Variants in ERI2 observed in about 807,000 individuals in gnomAD.
The protein encoded by ERI2 is ERI1 exoribonuclease 2.
In ERI2, 35 loss-of-function variants were observed where a neutral mutation model predicts 46.8. That is an observed-to-expected ratio of 0.75 (90% CI 0.57 to 0.99). The LOEUF (loss-of-function observed/expected upper bound fraction) is 0.99, where lower values mean the gene tolerates loss of function less well. Ranked by LOEUF, ERI2 falls within the 50% of genes least tolerant of loss-of-function variation. The pLI is 0.00. For missense variants in ERI2, 695 were observed against 796.2 expected, an observed-to-expected ratio of 0.87 and a Z score of 1.53; for synonymous variants, 224 against 271.0, an observed-to-expected ratio of 0.83 and a Z score of 1.70.
rs779345054 is a variant in ERI2, at chr16:20,796,368, A to C, written c.*1356T>G. 21 of 1,605,360 alleles carry C rather than the reference A, an allele frequency of 1.3e-5. No homozygotes were observed. In the South Asian group the frequency reaches 2.3e-4, roughly 18 times the overall value. ...TCCTGGTGTTTCAAATATTTATTTT[A>C]GGTAGTAAAGGCTTTTGTCGTTCTA... On this transcript the variant is annotated 3_prime_UTR_variant, in exon 9 of 9. Coordinates refer to ENST00000357967, the MANE Select transcript of ERI2 (RefSeq NM_001142725.2).
chr16:20,787,253 G>A (rs1423566596), intron 10 of ERI2, among the ~76,000 whole-genome samples: 2 of 152,190 alleles, frequency 1.3e-5, no homozygotes, highest in African/African-American at 2.4e-5. Flanking sequence ...TGGGAGCTGT[G>A]ACTTACTGTT....
At chr16:20,793,330 A>G (rs867384378), downstream of ERI2, among the ~76,000 whole-genome samples, 6 of 152,210 alleles carry the variant, frequency 3.9e-5, no homozygotes, top group Middle Eastern at 3.4e-3. Context: ...TTAGCCAGGC[A>G]TGGTGGCACA....
At chr16:20,786,192 A>C (rs1468166195) in intron 10 of ERI2, 1 of 1,606,610 alleles carries the variant, frequency 6.2e-7, no homozygotes, top group Non-Finnish European at 8.5e-7. Context: ...AATGTTTAAC[A>C]ACCCAATCTG....
rs565994827 is a variant in ERI2 at position 20,786,387 on chromosome 16, G to A, written c.894+3092C>T. ...ATACAGTTCTAAGCATTTAATAAAC[G>A]TTAACCCATTAGGCTGGATGCAGTG... is the stretch of plus-strand genomic sequence containing the variant. On this transcript the variant is annotated intron_variant, in intron 10 of 10. Transcript: ENST00000300005. 4.3e-5 allele frequency: 38 copies of A among 879,640 alleles called. No individual in the cohort carries two copies. The East Asian group carries it at 9.3e-4, about 21-fold the overall frequency. 54.5% of individuals were successfully genotyped at this position (879,640 alleles called of 1,614,324 possible).
intron 1 of ERI2, 119 bp from the exon 2 acceptor site, chr16:20,803,789 A>C: frequency 8.0e-7 from 1 of 1,255,726 alleles, no homozygotes; most frequent in Non-Finnish European, 1.1e-6. Flanking sequence ...CTGAGGGGAA[A>C]TCGAACTGGA....
Position 20,790,776 on chromosome 16 carries a change from T to C in ERI2, c.815+74A>G, listed in dbSNP as rs1313535393. ...TGTTTGCCACAAAACATACCTAGGA[T>C]AGGTACTTGACCCTTTCTTGAGAGA... On this transcript the variant is annotated intron_variant, in intron 9 of 10. Coordinates refer to the ERI2 transcript ENST00000300005. This position sits in a 1 kb window ranked among gnomAD's most constrained non-coding sequence, Gnocchi z 4.0. 5.0e-6 allele frequency: 8 copies of C among 1,613,266 alleles called. No homozygotes were observed. The East Asian group carries it at 1.6e-4, about 31-fold the overall frequency.
chr16:20,789,688 T>C (rs531053051), intron 9 of ERI2: 42 of 532,022 alleles, frequency 7.9e-5, no homozygotes, highest in Middle Eastern at 5.3e-4. Flanking sequence ...ATTTTTCTTT[T>C]TTTTTTTTTT....
At chr16:20,792,232 C>T, downstream of ERI2, 1 of 1,614,098 alleles carries the variant, frequency 6.2e-7, no homozygotes, top group Non-Finnish European at 8.5e-7. Context: ...ATATGTGTTT[C>T]TAGCTATCGA....
chr16:20,799,853 T>C (rs1741659686), intron 7 of ERI2, 104 bp downstream of exon 7: 1 of 667,904 alleles, frequency 1.5e-6, no homozygotes, highest in African/African-American at 1.8e-5. Context: ...TTTTTTTTTT[T>C]AGGCTGAAGA....
At chr16:20,780,978 T>G in intron 10 of ERI2, 1 of 1,614,166 alleles carries the variant, frequency 6.2e-7, no homozygotes, top group Non-Finnish European at 8.5e-7. Flanking sequence ...TCCCAGGTTC[T>G]GGCTAGATTT....
chr16:20,789,497 A>G, exon 10 of ERI2: 1 of 1,613,360 alleles, frequency 6.2e-7, no homozygotes, highest in South Asian at 1.1e-5. Context: ...ACCAGAGAAT[A>G]TTCCCCTTTT....
At chr16:20,799,724 A>G in intron 7 of ERI2, 1 of 481,588 alleles carries the variant, frequency 2.1e-6, no homozygotes, top group Non-Finnish European at 3.7e-6. Flanking sequence ...GATTTGGCTC[A>G]TTCTTTTCAT....
In ERI2 at chr16:20,797,961, C is replaced by A. The variant is rs11648835; in HGVS notation, c.1839G>T (p.Pro613=). ...AACAATAGAAGACTTTTCCATGGTT[C>A]GGTCCATTATTAGAAACAACAAGTC... The part of the protein sequence containing the change: ...SKRLVVSNNG[P]NHGKVFYCCP... The change falls in exon 9 of 9, where the codon CCG becomes CCT. Residue 613 remains proline, a synonymous_variant. Transcript: ENST00000357967. 231,125 of 1,551,550 alleles carry A rather than the reference C, an allele frequency of 0.15. 18,371 individuals carry two copies. The highest frequency in any genetic ancestry group is 0.26 in the African/African-American group (19,262 of 73,040).
Position 20,803,601 on chromosome 16 carries a change from A to C in ERI2, c.91+2T>G, listed in dbSNP as rs1470777718. On this transcript the variant is annotated splice_donor_variant, in intron 2 of 8. Transcript: ENST00000357967. LOFTEE classifies it high-confidence loss of function. The stretch of plus-strand genomic sequence containing the variant: ...TGCAAAGAAACTAAGCATACTACTC[A>C]CTGGATTTGCTTCTTCCGAGATTTC... 5 of 1,614,008 alleles carry C rather than the reference A, an allele frequency of 3.1e-6. No individual in the cohort carries two copies. Among genetic ancestry groups the C allele is most frequent in the Non-Finnish European group, 2.5e-6 (3 of 1,180,002 alleles).
At chr16:20,800,218 C>A (rs1289869802) in intron 6 of ERI2, 84 bp downstream of exon 6, 2 of 990,970 alleles carry the variant, frequency 2.0e-6, no homozygotes, top group Non-Finnish European at 3.1e-6. Context: ...ATCTTCTTTG[C>A]AGAAACCCAT....
chr16:20,793,352 C>G (rs1315258077), downstream of ERI2, among the ~76,000 whole-genome samples: 1 of 152,086 alleles, frequency 6.6e-6, no homozygotes, highest in Non-Finnish European at 1.5e-5. Flanking sequence ...GCCTGTAATC[C>G]CTGCTACTTG....
At chr16:20,796,208 C>A, downstream of ERI2, 1 of 1,247,758 alleles carries the variant, frequency 8.0e-7, no homozygotes, top group South Asian at 1.6e-5. Flanking sequence ...AGGTACAGAC[C>A]AGGAAGTGGC....
chr16:20,780,887 T>A lies in ERI2; in HGVS notation c.895-153A>T, dbSNP rs773261373. On this transcript the variant is annotated intron_variant, in intron 10 of 10. Coordinates refer to the ERI2 transcript ENST00000300005. The stretch of plus-strand genomic sequence containing the variant: ...ACTTTCACAAAAGTGCAGCTTGAAG[T>A]GTCAAAACTGCAAAGATGATGACTT... 3.7e-5 allele frequency: 60 copies of A among 1,613,694 alleles called. No homozygotes were observed. The Admixed American group carries it at 9.7e-4, about 26-fold the overall frequency.
At position 20,780,354 on chromosome 16, in the gene ERI2, G is replaced by A; in HGVS notation, c.*288C>T. Reference sequence around the variant, plus strand: ...CACATTTTAAAGCATCCATAGGGGAGGGAAGGGGAAAATTCTTCCTTATCC... The same window carrying A: ...CACATTTTAAAGCATCCATAGGGGAAGGAAGGGGAAAATTCTTCCTTATCC... On this transcript the variant is annotated 3_prime_UTR_variant, in exon 11 of 11. Transcript: ENST00000300005. The A allele has an allele frequency of 4.9e-6, 2 of 409,612 alleles. 1 individual carries two copies. 25.4% of individuals were successfully genotyped at this position (409,612 alleles called of 1,614,324 possible).
Sources: gnomAD v4.1 joint callset for allele counts (sites outside exome capture counted in the v4.1 genomes callset) on GRCh38, gnomAD v4.1.1 for gene constraint, Gnocchi (gnomAD v3.1) non-coding constraint, MANE v1.5 for transcripts, NCBI Gene and HGNC (gene_info 2026-07-23, HGNC 2026-07-21) for gene names.